The following FAM107A variants were observed in gnomAD, a reference collection of about 807,000 sequenced individuals.
FAM107A encodes actin-associated protein FAM107A.
A neutral mutation model predicts 13.7 loss-of-function variants in FAM107A; 19 were observed. The ratio of observed to expected loss-of-function variants is 1.38; its 90% CI spans 0.97 to 2.03. The LOEUF is 2.03. Ranked by LOEUF, FAM107A falls within the 30% of genes most tolerant of loss-of-function variation. The pLI, the probability that FAM107A is intolerant of heterozygous loss-of-function variation, is 0.00. For missense variants in FAM107A, 203 were observed against 184.4 expected (o/e 1.10, Z -0.58); for synonymous variants, 82 against 74.5 (o/e 1.10, Z -0.52).
intron 1 of FAM107A, among the ~76,000 whole-genome samples, chr3:58,584,198 C>G: frequency 6.6e-6 from 1 of 152,140 alleles, no homozygotes; most frequent in East Asian, 1.9e-4. Flanking sequence ...TTAGACAAGT[C>G]ATGTTACCAT....
In FAM107A at chr3:58,567,259, C is replaced by T. The variant is rs1212266906; in HGVS notation, c.276G>A (p.Leu92=). 1.2e-6 allele frequency: 2 copies of T among 1,614,170 alleles called. No homozygotes were observed. Among genetic ancestry groups the T allele is most frequent in the Non-Finnish European group, 8.5e-7 (1 of 1,180,020 alleles). The part of the protein sequence containing the change: ...KKKEELEAKR[L]QCPFEQELLR... ...GCAGCTCCTGCTCAAAGGGGCACTG[C>T]AGCCGCTTGGCTTCCAGCTCCTCCT... is the stretch of plus-strand genomic sequence containing the variant. Residue 92 remains leucine, a synonymous_variant, in exon 3 of 4, where the codon CTG becomes CTA. Transcript: ENST00000360997.
At chr3:58,584,758 A>G (rs2065585296) in intron 1 of FAM107A, among the ~76,000 whole-genome samples, 1 of 152,176 alleles carries the variant, frequency 6.6e-6, no homozygotes, top group Non-Finnish European at 1.5e-5. Context: ...GTAAATGACT[A>G]TATAACTTCA....
At chr3:58,586,889 G>C (rs1351564848) in exon 1 of FAM107A, 1 of 1,533,070 alleles carries the variant, frequency 6.5e-7, no homozygotes, top group African/African-American at 1.4e-5. Flanking sequence ...GGTAGAGCCC[G>C]GTGGCATCGG....
chr3:58,570,466 G>T, intron 1 of FAM107A: 1 of 664,620 alleles, frequency 1.5e-6, no homozygotes, highest in Non-Finnish European at 1.9e-6. Context: ...GCTACTCAAT[G>T]GCCCCACTTC....
chr3:58,582,822 C>T (rs982963894), intron 1 of FAM107A, among the ~76,000 whole-genome samples: 1 of 152,194 alleles, frequency 6.6e-6, no homozygotes, highest in Non-Finnish European at 1.5e-5. Flanking sequence ...TTGTTTGAGA[C>T]AGAGTCTTGC....
intron 1 of FAM107A, among the ~76,000 whole-genome samples, chr3:58,596,283 A>G (rs1285663884): frequency 6.6e-6 from 1 of 152,216 alleles, no homozygotes; most frequent in Non-Finnish European, 1.5e-5. Flanking sequence ...TGAAAGTGTC[A>G]AGGAGACCAA....
chr3:58,620,461 C>T (rs1309137793), intron 1 of FAM107A, among the ~76,000 whole-genome samples: 1 of 152,276 alleles, frequency 6.6e-6, no homozygotes, highest in Non-Finnish European at 1.5e-5. Context: ...TTGAGATCCA[C>T]TCAGGGAAGG....
chr3:58,568,209 C>G (rs561743681), intron 2 of FAM107A, among the ~76,000 whole-genome samples: 1 of 152,012 alleles, frequency 6.6e-6, no homozygotes, highest in Non-Finnish European at 1.5e-5. Flanking sequence ...CCGAGGAGGG[C>G]GGATCACGAG....
In FAM107A at chr3:58,577,248, C is replaced by T. The variant is rs1171388434; in HGVS notation, c.-6+61G>A. ...TACCGGGTCTGCCCTCCTTCCCTTC[C>T]ACCTCCTCCCGAACGGCACCGCTCT... On this transcript the variant is annotated intron_variant, in intron 1 of 3. Coordinates refer to ENST00000360997, the MANE Select transcript of FAM107A (RefSeq NM_001076778.3). The surrounding 1 kb of genome is among the most constrained non-coding windows in gnomAD (Gnocchi z 4.9). The T allele has an allele frequency of 2.2e-5, 20 of 889,146 alleles. No homozygotes were observed. The highest frequency in any genetic ancestry group is 2.4e-5 in the Non-Finnish European group (18 of 742,292). The allele number at this position is 889,146 out of a possible 1,614,324, so 55.1% of individuals were successfully genotyped here. A position where few individuals can be genotyped will look rare whatever the true frequency, so the allele number is the denominator to read the frequency against.
chr3:58,572,965 C>T (rs2108046091), intron 1 of FAM107A, among the ~76,000 whole-genome samples: 1 of 152,300 alleles, frequency 6.6e-6, no homozygotes, highest in South Asian at 2.1e-4. Flanking sequence ...TTGCACTGGG[C>T]CCTGTCAATT....
At chr3:58,575,134 G>T (rs1336560631) in intron 1 of FAM107A, among the ~76,000 whole-genome samples, 1 of 152,196 alleles carries the variant, frequency 6.6e-6, no homozygotes, top group Non-Finnish European at 1.5e-5. Flanking sequence ...GATGGCATCA[G>T]TTGTAACAAA....
chr3:58,587,117 G>C (rs377307038), upstream of FAM107A: 1 of 1,370,754 alleles, frequency 7.3e-7, no homozygotes, highest in Non-Finnish European at 9.4e-7. Context: ...GGGGGAAGGA[G>C]GGGGGCAGGG....
chr3:58,581,485 C>T (rs1247924520), upstream of FAM107A, among the ~76,000 whole-genome samples: 3 of 152,180 alleles, frequency 2.0e-5, no homozygotes, highest in Non-Finnish European at 4.4e-5. Flanking sequence ...GTTTCCATGG[C>T]AACTTAAAAC....
At chr3:58,585,384 C>T (rs1278711033) in intron 1 of FAM107A, among the ~76,000 whole-genome samples, 2 of 152,232 alleles carry the variant, frequency 1.3e-5, no homozygotes, top group African/African-American at 4.8e-5. Context: ...GATTTCAGAC[C>T]CTCCTTTAGG....
chr3:58,597,320 T>C (rs1446807922), intron 1 of FAM107A, among the ~76,000 whole-genome samples: 2 of 152,230 alleles, frequency 1.3e-5, no homozygotes, highest in Non-Finnish European at 2.9e-5. Flanking sequence ...CTTTACAACA[T>C]AGATTTTTGG....
intron 1 of FAM107A, among the ~76,000 whole-genome samples, chr3:58,624,537 C>T (rs184019895): frequency 1.3e-5 from 2 of 152,288 alleles, no homozygotes; most frequent in South Asian, 4.1e-4. Flanking sequence ...AATGAAATGT[C>T]CAGCACTCTC....
Position 58,565,578 on chromosome 3 carries a change from C to T in FAM107A, c.*1010G>A, listed in dbSNP as rs922080348. On this transcript the variant is annotated 3_prime_UTR_variant, in exon 4 of 4. Transcript: ENST00000360997. ...CCAACACAATTTGCTAGGCCAAAGT[C>T]TTCACGGGCAATCCCTGGGGTGGGA... The T allele has an allele frequency of 4.6e-5, 7 of 150,842 alleles. No homozygotes were observed. In the Admixed American group the frequency reaches 4.7e-4, roughly 10 times the overall value. The allele number at this position is 150,842 out of a possible 1,614,324, so 9.3% of individuals were successfully genotyped here.
chr3:58,621,317 C>T (rs2065953012), intron 1 of FAM107A, among the ~76,000 whole-genome samples: 1 of 152,136 alleles, frequency 6.6e-6, no homozygotes. Context: ...GGACTGGGGC[C>T]AGCTTTCTGG....
intron 1 of FAM107A, among the ~76,000 whole-genome samples, chr3:58,608,720 C>T (rs1430257067): frequency 3.3e-5 from 5 of 152,196 alleles, no homozygotes; most frequent in African/African-American, 4.8e-5. Flanking sequence ...GACACCTGGG[C>T]TTTCTGGAAT....
Sources: gnomAD v4.1 joint callset for allele counts (sites outside exome capture counted in the v4.1 genomes callset) on GRCh38, gnomAD v4.1.1 for gene constraint, Gnocchi (gnomAD v3.1) non-coding constraint, MANE v1.5 for transcripts, NCBI Gene and HGNC (gene_info 2026-07-23, HGNC 2026-07-21) for gene names.